OCA2: variants seen among roughly 807,000 people sequenced by gnomAD.
OCA2 encodes P protein.
In OCA2, 77 loss-of-function variants were observed where a neutral mutation model predicts 100.2. The observed-to-expected ratio is 0.77, with a 90% CI of 0.64 to 0.93. The LOEUF is 0.93. Ranked by LOEUF, OCA2 falls within the 40% of genes least tolerant of loss-of-function variation. OCA2 has a pLI of 0.00. For synonymous variants in OCA2, 432 were observed against 439.2 expected (o/e 0.98, Z 0.21); for missense variants, 1,062 against 1,089.1 (o/e 0.98, Z 0.35).
intron 23 of OCA2, among the ~76,000 whole-genome samples, chr15:27,825,101 T>C (rs1340067206): frequency 6.6e-6 from 1 of 152,132 alleles, no homozygotes; most frequent in East Asian, 1.9e-4. Context: ...TTAGACACAA[T>C]TAAAAAATGG....
At chr15:27,861,897 A>C (rs1042806965) in intron 21 of OCA2, among the ~76,000 whole-genome samples, 5 of 152,296 alleles carry the variant, frequency 3.3e-5, no homozygotes, top group Non-Finnish European at 7.4e-5. Flanking sequence ...CAGGGAGGAC[A>C]GTGGCATGTG....
intron 2 of OCA2, among the ~76,000 whole-genome samples, chr15:28,062,275 T>C (rs1490052055): frequency 6.6e-6 from 1 of 152,266 alleles, no homozygotes; most frequent in Non-Finnish European, 1.5e-5. Flanking sequence ...GGGTGTCAAA[T>C]GGCATCTCAC....
chr15:27,767,973 A>G (rs1478092441), intron 23 of OCA2, among the ~76,000 whole-genome samples: 2 of 152,224 alleles, frequency 1.3e-5, no homozygotes, highest in Non-Finnish European at 2.9e-5. Flanking sequence ...TTTTAAGCTC[A>G]GCAGCCACAA....
At chr15:27,921,936 T>C (rs981956247) in intron 19 of OCA2, among the ~76,000 whole-genome samples, 2 of 152,206 alleles carry the variant, frequency 1.3e-5, no homozygotes, top group Non-Finnish European at 2.9e-5. Context: ...TCCTGAAACA[T>C]GTATTTTGTA....
chr15:27,743,273 G>A, the OCA2 span, among the ~76,000 whole-genome samples: 1 of 152,196 alleles, frequency 6.6e-6, no homozygotes, highest in Non-Finnish European at 1.5e-5. Context: ...CCACAAGTCT[G>A]TAAGGGCTGC....
At chr15:27,983,243 G>C in intron 14 of OCA2, 102 bp downstream of exon 14, 1 of 1,410,582 alleles carries the variant, frequency 7.1e-7, no homozygotes, top group Non-Finnish European at 1.0e-6. Flanking sequence ...AAGAGGTGGC[G>C]TGATGATCTT....
chr15:27,720,143 C>G, the OCA2 span, among the ~76,000 whole-genome samples: 1 of 152,170 alleles, frequency 6.6e-6, no homozygotes, highest in South Asian at 2.1e-4. Context: ...GACAAACATT[C>G]AAACCATAGT....
At chr15:27,798,530 C>T (rs749012546) in intron 23 of OCA2, among the ~76,000 whole-genome samples, 1 of 152,030 alleles carries the variant, frequency 6.6e-6, no homozygotes, top group Non-Finnish European at 1.5e-5. Context: ...AGACATCCTC[C>T]GTGAAGGAAG....
At chr15:27,974,530 G>GT (rs1296588427) in intron 14 of OCA2, among the ~76,000 whole-genome samples, 15 of 152,294 alleles carry the variant, frequency 9.8e-5, no homozygotes, top group South Asian at 2.1e-4. Flanking sequence ...ACTTTGGGAG[G>GT]CCGAGGCAGA....
chr15:27,777,790 G>T (rs944072725), intron 23 of OCA2, among the ~76,000 whole-genome samples: 16 of 152,210 alleles, frequency 1.1e-4, no homozygotes, highest in Non-Finnish European at 2.1e-4. Context: ...CACCTGGAGG[G>T]TAGGATGCTG....
In OCA2 at chr15:28,014,766, T is replaced by C; in HGVS notation, c.1044+10A>G. 6.2e-7 allele frequency: 1 copy of C among 1,611,122 alleles called. No individual in the cohort carries two copies. The highest frequency in any genetic ancestry group is 1.3e-5 in the African/African-American group (1 of 74,900). Reference sequence around the variant, plus strand: ...CCCAGACAGATCGGGGGAGCAGGTGTGAAAGTTACCTCAAATATGATCAGC... The same window carrying C: ...CCCAGACAGATCGGGGGAGCAGGTGCGAAAGTTACCTCAAATATGATCAGC... On this transcript the variant is annotated intron_variant, in intron 9 of 23. Coordinates refer to ENST00000354638, the MANE Select transcript of OCA2 (RefSeq NM_000275.3).
intron 9 of OCA2, among the ~76,000 whole-genome samples, chr15:28,011,743 C>T (rs1030678684): frequency 6.6e-6 from 1 of 151,834 alleles, no homozygotes; most frequent in Non-Finnish European, 1.5e-5. Context: ...TGGTAAAACC[C>T]TGTCTCTACA....
At chr15:27,752,156 C>T (rs1369449479), downstream of OCA2, among the ~76,000 whole-genome samples, 3 of 152,178 alleles carry the variant, frequency 2.0e-5, no homozygotes, top group African/African-American at 7.2e-5. Context: ...ACCAGATCCT[C>T]GTCTGCAGCA....
chr15:27,834,099 A>T (rs1407208228), intron 23 of OCA2, among the ~76,000 whole-genome samples: 1 of 152,172 alleles, frequency 6.6e-6, no homozygotes, highest in Non-Finnish European at 1.5e-5. Flanking sequence ...TGCCAGAAAG[A>T]TCAAGGCATG....
At chr15:27,926,021 A>G in intron 19 of OCA2, 106 bp downstream of exon 19, 1 of 1,320,856 alleles carries the variant, frequency 7.6e-7, no homozygotes, top group South Asian at 1.3e-5. Context: ...CCACTTAGAG[A>G]ATATAAGGAA....
Position 27,785,043 on chromosome 15 carries a change from A to G in OCA2, c.2433-29571T>C, listed in dbSNP as rs376876190. 7.2e-4 allele frequency among the ~76,000 whole-genome samples: 110 copies of G among 152,352 alleles called. 1 individual carries two copies. The East Asian group carries it at 0.017, about 23-fold the overall frequency. ...AAACAAATCAAAACCAAACCAAGGT[A>G]TGCCATACACAAACTTCTGAAAACC... On this transcript the variant is annotated intron_variant, in intron 23 of 23. Coordinates refer to ENST00000354638, the MANE Select transcript of OCA2 (RefSeq NM_000275.3).
intron 2 of OCA2, among the ~76,000 whole-genome samples, chr15:28,080,682 T>C (rs541218839): frequency 6.6e-6 from 1 of 152,250 alleles, no homozygotes; most frequent in Admixed American, 6.5e-5. Flanking sequence ...GGAGAGACCA[T>C]CAGTACTGCA....
chr15:27,749,807 G>GT, the OCA2 span, among the ~76,000 whole-genome samples: 1 of 152,158 alleles, frequency 6.6e-6, no homozygotes, highest in Non-Finnish European at 1.5e-5. Flanking sequence ...GCTGAAAATT[G>GT]TAAGATGTTG....
intron 23 of OCA2, among the ~76,000 whole-genome samples, chr15:27,842,826 G>A (rs557662493): frequency 5.1e-5 from 7 of 137,234 alleles, no homozygotes; most frequent in African/African-American, 1.1e-4. Flanking sequence ...CTGCACACAC[G>A]CACACACACA....
Sources: gnomAD v4.1 joint callset for allele counts (sites outside exome capture counted in the v4.1 genomes callset) on GRCh38, gnomAD v4.1.1 for gene constraint, MANE v1.5 for transcripts, NCBI Gene and HGNC (gene_info 2026-07-23, HGNC 2026-07-21) for gene names.